The following RNF10 variants were observed in gnomAD, a reference collection of about 807,000 sequenced individuals.
The protein encoded by RNF10 is E3 ubiquitin-protein ligase RNF10.
RNF10 carries 38 observed loss-of-function variants against 91.4 expected under a neutral mutation model. The ratio of observed to expected loss-of-function variants is 0.42; its 90% CI spans 0.32 to 0.54. RNF10 has a LOEUF of 0.54. Among genes scored for constraint, RNF10 ranks in the 20% least tolerant of loss-of-function variants. RNF10 has a pLI of 0.16. For missense variants in RNF10, 945 were observed against 1,012.0 expected, an observed-to-expected ratio of 0.93 and a Z score of 0.90; for synonymous variants, 364 against 366.3, an observed-to-expected ratio of 0.99 and a Z score of 0.07.
intron 4 of RNF10, among the ~76,000 whole-genome samples, chr12:120,556,073 G>A (rs1873957743): frequency 6.6e-6 from 1 of 152,002 alleles, no homozygotes; most frequent in Non-Finnish European, 1.5e-5. Flanking sequence ...ACAGGCGTGA[G>A]CCACCACGCC....
chr12:120,539,979 T>C (rs985942518), intron 1 of RNF10, among the ~76,000 whole-genome samples: 8 of 151,770 alleles, frequency 5.3e-5, no homozygotes, highest in African/African-American at 1.7e-4. Flanking sequence ...GGATTGCAGG[T>C]GTCCACCACC....
chr12:120,557,564 A>C lies in RNF10; in HGVS notation c.849A>C (p.Ser283=), dbSNP rs2137203056. 6.2e-7 allele frequency: 1 copy of C among 1,614,168 alleles called. No individual in the cohort carries two copies. The highest frequency in any genetic ancestry group is 8.5e-7 in the Non-Finnish European group (1 of 1,180,022). Reference sequence around the variant, plus strand: ...GTTTCAGTGTTGTTGCCACAGAGTCACATCAGTATGTTGTTGGTGATACCA... The same window carrying C: ...GTTTCAGTGTTGTTGCCACAGAGTCCCATCAGTATGTTGTTGGTGATACCA... ...KDLKSVVATE[S]HQYVVGDTIT... is the part of the protein sequence containing the mutation. Residue 283 remains serine, a synonymous_variant, in exon 6 of 17, where the codon TCA becomes TCC. Coordinates refer to ENST00000325954, the MANE Select transcript of RNF10 (RefSeq NM_014868.5).
chr12:120,569,562 C>T (rs972550991), intron 13 of RNF10, among the ~76,000 whole-genome samples: 13 of 21,016 alleles, frequency 6.2e-4, no homozygotes, highest in East Asian at 5.2e-3. Context: ...GACAGGGTCT[C>T]GCTCTGTCGC....
intron 1 of RNF10, among the ~76,000 whole-genome samples, chr12:120,543,928 C>T (rs890782546): frequency 6.6e-6 from 1 of 151,834 alleles, no homozygotes; most frequent in African/African-American, 2.4e-5. Context: ...CTGCTTTCCA[C>T]CCTGGGGGAA....
chr12:120,558,972 G>A (rs1479823424), intron 6 of RNF10, among the ~76,000 whole-genome samples: 4 of 151,812 alleles, frequency 2.6e-5, no homozygotes, highest in Non-Finnish European at 4.4e-5. Context: ...GCCTGGGCTG[G>A]AGTGCAGTGG....
Position 120,565,094 on chromosome 12 carries a change from A to G in RNF10, c.1688A>G (p.Tyr563Cys), listed in dbSNP as rs191921489. ...MSEDVRQRHR[Y>C]LSHLPLTCEF... ...TAGGATGTTCGACAGCGTCACAGAT[A>G]TCTCTCTCACTTGCCACTCACCTGT... Residue 563 changes from tyrosine (Y) to cysteine (C), a missense_variant, in exon 11 of 17, where the codon TAT (tyrosine) becomes TGT (cysteine). Coordinates refer to ENST00000325954, the MANE Select transcript of RNF10 (RefSeq NM_014868.5). 1.9e-6 allele frequency: 3 copies of G among 1,613,708 alleles called. No individual in the cohort carries two copies. The highest frequency in any genetic ancestry group is 2.5e-6 in the Non-Finnish European group (3 of 1,179,630).
chr12:120,570,416 C>T (rs564432848), intron 13 of RNF10, among the ~76,000 whole-genome samples: 1 of 150,744 alleles, frequency 6.6e-6, no homozygotes. Context: ...GAACTCCTGA[C>T]CTCAGGTGAT....
At position 120,534,695 on chromosome 12, in the gene RNF10, C is replaced by A; in HGVS notation, c.-117C>A. On this transcript the variant is annotated 5_prime_UTR_variant, in exon 1 of 17. Coordinates refer to ENST00000325954, the MANE Select transcript of RNF10 (RefSeq NM_014868.5). ...AGGAAGGAAACAGGGAAAAATGTCG[C>A]CATGAAGGCCGAGAACCGCTGCCGC... is the stretch of plus-strand genomic sequence containing the variant. The A allele has an allele frequency of 1.4e-6, 2 of 1,390,084 alleles. No homozygotes were observed. Among genetic ancestry groups the A allele is most frequent in the Admixed American group, 3.7e-5 (1 of 26,704 alleles). The allele number at this position is 1,390,084 out of a possible 1,614,324, so 86.1% of individuals were successfully genotyped here.
intron 2 of RNF10, among the ~76,000 whole-genome samples, chr12:120,546,954 AATGC>A (rs1202157354): frequency 3.9e-5 from 6 of 152,178 alleles, no homozygotes; most frequent in South Asian, 2.1e-4. Context: ...CAAAATGTAA[AATGC>A]ATATATCTAT....
intron 1 of RNF10, among the ~76,000 whole-genome samples, chr12:120,546,105 T>G (rs1202198973): frequency 1.3e-5 from 2 of 152,204 alleles, no homozygotes; most frequent in Non-Finnish European, 2.9e-5. Flanking sequence ...TGACTGAACT[T>G]TTACAAGGAC....
chr12:120,558,444 G>A (rs1874340766), intron 6 of RNF10, among the ~76,000 whole-genome samples: 4 of 150,852 alleles, frequency 2.7e-5, no homozygotes, highest in South Asian at 2.1e-4. Context: ...CATTAAAAAT[G>A]TGTATTAATT....
chr12:120,575,518 T>C, intron 14 of RNF10, 113 bp from the exon 15 acceptor site: 2 of 1,140,068 alleles, frequency 1.8e-6, no homozygotes, highest in Non-Finnish European at 2.6e-6. Flanking sequence ...CTGGAAAATC[T>C]TTTCAAAGGT....
chr12:120,548,439 C>G (rs1397282975), intron 2 of RNF10, among the ~76,000 whole-genome samples: 2 of 152,042 alleles, frequency 1.3e-5, no homozygotes, highest in South Asian at 2.1e-4. Flanking sequence ...AAAGGTGTTG[C>G]AGAAGGTGAT....
At chr12:120,566,635 G>C (rs1272238300) in intron 12 of RNF10, among the ~76,000 whole-genome samples, 190 bp from the exon 13 acceptor site, 1 of 152,028 alleles carries the variant, frequency 6.6e-6, no homozygotes, top group Non-Finnish European at 1.5e-5. Context: ...GGTGGCACGT[G>C]CCTGTGGTCC....
At position 120,545,888 on chromosome 12, in the gene RNF10, C is replaced by A. The variant is rs1872258861; in HGVS notation, c.158-517C>A. On this transcript the variant is annotated intron_variant, in intron 1 of 16. Coordinates refer to ENST00000325954, the MANE Select transcript of RNF10 (RefSeq NM_014868.5). ...TTCTTTTGTTCTGTCAATTTAACAG[C>A]TTCTGAATTTGACCTCTAGAGCTTC... Among the ~76,000 whole-genome samples, 3 of 152,202 alleles carry A rather than the reference C, an allele frequency of 2.0e-5. 1 individual carries two copies.
intron 14 of RNF10, 99 bp downstream of exon 14, chr12:120,571,390 T>C: frequency 1.1e-6 from 1 of 897,022 alleles, no homozygotes; most frequent in Admixed American, 2.0e-5. Context: ...CCTCTCATTC[T>C]AATACGGCTG....
chr12:120,557,236 A>G (rs1385303498), intron 4 of RNF10, 46 bp from the exon 5 acceptor site: 3 of 1,589,608 alleles, frequency 1.9e-6, no homozygotes, highest in Non-Finnish European at 2.6e-6. Context: ...GACAGTCCCT[A>G]ATCAGTTCTT....
intron 1 of RNF10, among the ~76,000 whole-genome samples, chr12:120,539,023 C>A (rs1351456879): frequency 6.6e-6 from 1 of 152,156 alleles, no homozygotes; most frequent in African/African-American, 2.4e-5. Flanking sequence ...TATATGGCTT[C>A]ATTGGAAGTC....
chr12:120,552,801 G>GA, intron 3 of RNF10, 103 bp downstream of exon 3: 1 of 999,902 alleles, frequency 1.0e-6, no homozygotes, highest in Admixed American at 2.7e-5. Flanking sequence ...GAAAGAAGCA[G>GA]AAAGGGAATT....
Sources: allele counts gnomAD v4.1 joint callset (sites outside exome capture counted in the v4.1 genomes callset), GRCh38; gene constraint gnomAD v4.1.1; transcripts MANE v1.5; gene names NCBI Gene and HGNC (gene_info 2026-07-23, HGNC 2026-07-21).